The following RUFY3 variants were observed in gnomAD, a reference collection of about 807,000 sequenced individuals.
RUFY3 encodes RUN and FYVE domain containing 3.
Under a neutral mutation model 84.0 loss-of-function variants are expected in RUFY3, and 34 were observed. The observed-to-expected ratio is 0.40, with a 90% CI of 0.31 to 0.54. RUFY3 has a LOEUF of 0.54. RUFY3 is among the 20% of genes least tolerant of loss of function. The pLI, the probability that RUFY3 is intolerant of heterozygous loss-of-function variation, is 0.39. For synonymous variants in RUFY3, 242 were observed against 252.9 expected (o/e 0.96, Z 0.41); for missense variants, 507 against 736.8 (o/e 0.69, Z 3.61).
chr4:70,753,455 C>G (rs187412204), intron 1 of RUFY3, among the ~76,000 whole-genome samples: 8 of 152,218 alleles, frequency 5.3e-5, no homozygotes, highest in Admixed American at 4.6e-4. Context: ...ATGTTGGTTG[C>G]CCTTGATGAA....
chr4:70,788,701 A>G lies in RUFY3; in HGVS notation c.1072-105A>G, dbSNP rs188722113. On this transcript the variant is annotated intron_variant, in intron 10 of 17. Transcript: ENST00000381006. The stretch of plus-strand genomic sequence containing the variant: ...TGGTAGCTTAAGCTATTTTGCCAGA[A>G]TATTCAGACCTGAGAGTTTTGGTGT... The G allele has an allele frequency of 9.1e-4, 1,177 of 1,286,576 alleles. 3 individuals carry two copies. The highest frequency in any genetic ancestry group is 8.4e-4 in the Non-Finnish European group (798 of 953,690). 79.7% of individuals were successfully genotyped at this position (1,286,576 alleles called of 1,614,324 possible). A position where few individuals can be genotyped will look rare whatever the true frequency, so the allele number is the denominator to read the frequency against.
At chr4:70,778,203 C>G (rs879666691) in intron 7 of RUFY3, among the ~76,000 whole-genome samples, 166 bp from the exon 8 acceptor site, 6 of 151,898 alleles carry the variant, frequency 4.0e-5, no homozygotes, top group Non-Finnish European at 7.4e-5. Context: ...CCACTGCACT[C>G]CAGTCTCAGC....
At chr4:70,728,320 G>C (rs1225884065) in intron 1 of RUFY3, among the ~76,000 whole-genome samples, 1 of 152,210 alleles carries the variant, frequency 6.6e-6, no homozygotes, top group East Asian at 1.9e-4. Flanking sequence ...AGGATGGTGT[G>C]GCTGACTGGG....
chr4:70,792,701 T>C (rs1471592067), intron 12 of RUFY3: 1 of 985,304 alleles, frequency 1.0e-6, no homozygotes, highest in African/African-American at 1.7e-5. Flanking sequence ...ATCTTTTTCT[T>C]GGCAAAACCA....
At chr4:70,785,711 C>T (rs1729678816) in intron 10 of RUFY3, among the ~76,000 whole-genome samples, 1 of 151,872 alleles carries the variant, frequency 6.6e-6, no homozygotes, top group Admixed American at 6.6e-5. Context: ...GTGGCATGCA[C>T]CTGTAATCCC....
intron 6 of RUFY3, among the ~76,000 whole-genome samples, chr4:70,774,585 G>A (rs367854385): frequency 2.0e-4 from 23 of 116,700 alleles, no homozygotes; most frequent in South Asian, 1.2e-3. Flanking sequence ...ATTGCACTCC[G>A]GCCTGGGTGA....
intron 1 of RUFY3, among the ~76,000 whole-genome samples, chr4:70,742,000 A>G (rs961448423): frequency 3.3e-5 from 5 of 152,178 alleles, no homozygotes; most frequent in Non-Finnish European, 5.9e-5. Context: ...ATGTATATAT[A>G]TTTCTGTGAA....
At chr4:70,765,163 G>A (rs1042431066) in intron 4 of RUFY3, among the ~76,000 whole-genome samples, 5 of 142,088 alleles carry the variant, frequency 3.5e-5, no homozygotes, top group South Asian at 2.3e-4. Flanking sequence ...TCTTCAGCCC[G>A]GGCGACAGAG....
chr4:70,798,371 AAAAC>A (rs59678858), intron 14 of RUFY3, among the ~76,000 whole-genome samples: 31 of 151,912 alleles, frequency 2.0e-4, no homozygotes, highest in African/African-American at 6.1e-4. Flanking sequence ...CTTGTCTCAA[AAAAC>A]AAACAAAAAG....
At chr4:70,756,021 A>T (rs1348004302) in intron 1 of RUFY3, among the ~76,000 whole-genome samples, 1 of 151,956 alleles carries the variant, frequency 6.6e-6, no homozygotes, top group Non-Finnish European at 1.5e-5. Flanking sequence ...TTTTAACTAT[A>T]GTCACTTCCA....
intron 1 of RUFY3, among the ~76,000 whole-genome samples, chr4:70,712,263 T>G (rs1038746275): frequency 1.3e-5 from 2 of 152,244 alleles, no homozygotes; most frequent in African/African-American, 4.8e-5. Flanking sequence ...TTGTGTGCCG[T>G]GCAGAGAGCT....
intron 6 of RUFY3, among the ~76,000 whole-genome samples, chr4:70,774,644 A>AAAAAAAAAAAAATATATATAT (rs1553916771): frequency 1.8e-5 from 1 of 56,684 alleles, no homozygotes; most frequent in African/African-American, 8.4e-5. Flanking sequence ...AAAAAAAAAA[A>AAAAAAAAAAAAATATATATAT]ATATATATAT....
At chr4:70,729,714 A>C (rs1326495399) in intron 1 of RUFY3, among the ~76,000 whole-genome samples, 2 of 152,224 alleles carry the variant, frequency 1.3e-5, no homozygotes, top group East Asian at 3.8e-4. Flanking sequence ...TTTAAGCCGG[A>C]TTCTTCAATA....
intron 10 of RUFY3, among the ~76,000 whole-genome samples, chr4:70,787,326 C>G (rs1428579064): frequency 1.4e-5 from 2 of 142,334 alleles, no homozygotes; most frequent in Non-Finnish European, 3.0e-5. Context: ...GGTGTAGTCT[C>G]AGCTCACTGC....
intron 10 of RUFY3, 132 bp from the exon 11 acceptor site, chr4:70,788,674 A>C (rs1445601130): frequency 1.3e-6 from 1 of 789,540 alleles, no homozygotes; most frequent in Non-Finnish European, 1.9e-6. Flanking sequence ...TCTGAAAATG[A>C]ATGGTAGCTT....
At chr4:70,788,439 A>G (rs1578224324) in intron 10 of RUFY3, among the ~76,000 whole-genome samples, 2 of 152,070 alleles carry the variant, frequency 1.3e-5, no homozygotes, top group African/African-American at 4.8e-5. Context: ...CAACTGCTTC[A>G]TTTTGTGCTG....
At chr4:70,718,979 T>C (rs2148577908), upstream of RUFY3, among the ~76,000 whole-genome samples, 1 of 152,342 alleles carries the variant, frequency 6.6e-6, no homozygotes, top group East Asian at 1.9e-4. Flanking sequence ...CCTCCCACAG[T>C]ACTGGGATGA....
chr4:70,796,201 A>G (rs929958466), intron 14 of RUFY3, among the ~76,000 whole-genome samples: 1 of 152,146 alleles, frequency 6.6e-6, no homozygotes, highest in South Asian at 2.1e-4. Context: ...TCTGTCCCCA[A>G]AAATAAAAAA....
intron 12 of RUFY3, chr4:70,791,328 G>A (rs371694159): frequency 1.0e-4 from 161 of 1,610,492 alleles, no homozygotes; most frequent in Non-Finnish European, 1.3e-4. Context: ...TCGCAAGTCC[G>A]ATATCACAAC....
Sources: allele counts gnomAD v4.1 joint callset (sites outside exome capture counted in the v4.1 genomes callset), GRCh38; gene constraint gnomAD v4.1.1; transcripts MANE v1.5; gene names NCBI Gene and HGNC (gene_info 2026-07-23, HGNC 2026-07-21).